The following EDRF1 variants were observed in gnomAD, a reference collection of about 807,000 sequenced individuals.
The protein encoded by EDRF1 is erythroid differentiation regulatory factor 1.
In EDRF1, 69 loss-of-function variants were observed where a neutral mutation model predicts 148.7. The ratio of observed to expected loss-of-function variants is 0.46; its 90% CI spans 0.38 to 0.57. The LOEUF (loss-of-function observed/expected upper bound fraction) is 0.57, where lower values mean the gene tolerates loss of function less well. Among genes scored for constraint, EDRF1 ranks in the 20% least tolerant of loss-of-function variants. EDRF1 has a pLI of 0.00. For synonymous variants in EDRF1, 515 were observed against 532.8 expected (o/e 0.97, Z 0.46); for missense variants, 1,118 against 1,478.7 (o/e 0.76, Z 4.00).
rs188366589 is a variant in EDRF1 at position 125,727,898 on chromosome 10, T to A, written c.793-1105T>A. On this transcript the variant is annotated intron_variant, in intron 6 of 24. Transcript: ENST00000356792. Reference sequence around the variant, plus strand: ...CCAGTGTCAAGAGGGCCCAAGTGTATTCCAAAATGCATTCCAGGCTGGGCG... The same window carrying A: ...CCAGTGTCAAGAGGGCCCAAGTGTAATCCAAAATGCATTCCAGGCTGGGCG... Among the ~76,000 whole-genome samples, 256 of 152,232 alleles carry A rather than the reference T, an allele frequency of 1.7e-3. 1 individual carries two copies. The highest frequency in any genetic ancestry group is 2.8e-3 in the Non-Finnish European group (193 of 67,992).
At chr10:125,734,850 A>T (rs1848652858) in intron 12 of EDRF1, among the ~76,000 whole-genome samples, 1 of 152,310 alleles carries the variant, frequency 6.6e-6, no homozygotes, top group African/African-American at 2.4e-5. Context: ...TATCCTGTTC[A>T]AATCAGTAAA....
chr10:125,724,222 C>T (rs984756693), intron 4 of EDRF1, among the ~76,000 whole-genome samples: 1 of 152,102 alleles, frequency 6.6e-6, no homozygotes, highest in African/African-American at 2.4e-5. Context: ...ATTTAAGGGA[C>T]TAGTTTAATA....
chr10:125,738,399 G>T lies in EDRF1; in HGVS notation c.1935G>T (p.Gly645=). The change falls in exon 15 of 25, where the codon GGG becomes GGT. Residue 645 remains glycine, a synonymous_variant. Coordinates refer to ENST00000356792, the MANE Select transcript of EDRF1 (RefSeq NM_001202438.2). ...AATATGAAGATGAATCCTCAAGAGG[G>T]GGTCCCGAGGGGCTAGAGAAGCAGA... ...PLKYEDESSR[G]GPEGLEKQMA... 1 of 1,614,092 alleles carries T rather than the reference G, an allele frequency of 6.2e-7. No homozygotes were observed.
In EDRF1 at chr10:125,740,633, T is replaced by C. The variant is rs201110158; in HGVS notation, c.2152T>C (p.Leu718=). The change falls in exon 16 of 25, where the codon TTA becomes CTA. Residue 718 remains leucine (L), a synonymous_variant. Transcript: ENST00000356792. ...CGGAAGAGCATTACGATACATTAAA[T>C]TAGCTTTGCAAAGCCATGGTAAGCC... ...KYGRALRYIK[L]ALQSHDTYCC... The C allele has an allele frequency of 6.2e-7, 1 of 1,613,682 alleles. No homozygotes were observed. The highest frequency in any genetic ancestry group is 8.5e-7 in the Non-Finnish European group (1 of 1,180,014).
chr10:125,721,182 T>G, intron 1 of EDRF1, 22 bp from the exon 2 acceptor site: 1 of 1,610,648 alleles, frequency 6.2e-7, no homozygotes, highest in Non-Finnish European at 8.5e-7. Flanking sequence ...TTCATTAAAG[T>G]TTCACCCAAT....
intron 6 of EDRF1, 38 bp from the exon 7 acceptor site, chr10:125,728,965 G>T (rs773932224): frequency 8.3e-5 from 122 of 1,475,316 alleles, no homozygotes; most frequent in Non-Finnish European, 1.0e-4. Flanking sequence ...AAGAAATGTT[G>T]ACAGCAGAAT....
chr10:125,759,753 C>T (rs189271984), intron 24 of EDRF1, among the ~76,000 whole-genome samples: 270 of 152,068 alleles, frequency 1.8e-3, no homozygotes, highest in African/African-American at 6.1e-3. Context: ...CTCTGTCGCC[C>T]ACGCTGGAGT....
At chr10:125,741,382 A>G (rs938165012) in intron 17 of EDRF1, 181 bp downstream of exon 17, 18 of 685,012 alleles carry the variant, frequency 2.6e-5, no homozygotes, top group Admixed American at 1.5e-4. Flanking sequence ...CAATGGTGCA[A>G]TCTTGGCTCA....
chr10:125,725,713 T>C lies in EDRF1; in HGVS notation c.667T>C (p.Ser223Pro). 5 of 1,614,148 alleles carry C rather than the reference T, an allele frequency of 3.1e-6. No homozygotes were observed. The highest frequency in any genetic ancestry group is 4.2e-6 in the Non-Finnish European group (5 of 1,180,014). The change falls in exon 6 of 25, where the codon TCA becomes CCA. Residue 223 changes from serine (S) to proline (P), a missense_variant. Around this residue, in one of 3 missense-constraint regions of EDRF1, gnomAD observed 954 missense variants for 1,241.4 expected, o/e 0.77. Transcript: ENST00000356792. ...INGDGAAQPV[S>P]STAEQQESSS... ...TGGTGATGGAGCCGCTCAGCCTGTC[T>C]CATCCACCGCAGAACAGCAGGAATC...
chr10:125,738,190 T>A (rs1848832410), intron 14 of EDRF1, 105 bp from the exon 15 acceptor site: 1 of 1,479,306 alleles, frequency 6.8e-7, no homozygotes, highest in Non-Finnish European at 9.4e-7. Context: ...GTTTGTGAGA[T>A]GGAAATTTTC....
chr10:125,756,439 A>G (rs1160258731), intron 24 of EDRF1, among the ~76,000 whole-genome samples: 1 of 152,210 alleles, frequency 6.6e-6, no homozygotes, highest in Non-Finnish European at 1.5e-5. Flanking sequence ...TGTAAATGTC[A>G]GTTAGGTTAA....
intron 2 of EDRF1, among the ~76,000 whole-genome samples, chr10:125,722,254 T>C (rs1053864530): frequency 5.3e-5 from 8 of 152,356 alleles, no homozygotes; most frequent in South Asian, 2.1e-4. Context: ...TGAATAATTA[T>C]ATTGACTCTA....
intron 8 of EDRF1, 103 bp from the exon 9 acceptor site, chr10:125,730,185 A>G (rs763279458): frequency 1.1e-5 from 10 of 883,454 alleles, no homozygotes; most frequent in Non-Finnish European, 1.7e-5. Context: ...TTTTCTATCT[A>G]GAGAGGACAG....
chr10:125,721,141 A>C, intron 1 of EDRF1, 63 bp from the exon 2 acceptor site: 1 of 1,527,472 alleles, frequency 6.5e-7, no homozygotes, highest in East Asian at 2.2e-5. Flanking sequence ...TTTTCTTTTT[A>C]TAAAGGTGAG....
In EDRF1 at chr10:125,723,150, C is replaced by T. The variant is rs373852221; in HGVS notation, c.384+16C>T. 6 of 1,610,582 alleles carry T rather than the reference C, an allele frequency of 3.7e-6. No individual in the cohort carries two copies. The highest frequency in any genetic ancestry group is 1.1e-5 in the South Asian group (1 of 90,980). Reference sequence around the variant, plus strand: ...TGACTCTGAAGTAAGTGTTATTTGTCGCTTAATGTAATTTTGGAGGTGTTT... The same window carrying T: ...TGACTCTGAAGTAAGTGTTATTTGTTGCTTAATGTAATTTTGGAGGTGTTT... On this transcript the variant is annotated intron_variant, in intron 3 of 24. Transcript: ENST00000356792.
Position 125,763,700 on chromosome 10 carries a change from G to A in EDRF1, c.*228G>A. The A allele has an allele frequency of 8.5e-6, 5 of 585,204 alleles. No homozygotes were observed. In the South Asian group the frequency reaches 1.0e-4, roughly 12 times the overall value. 36.3% of individuals were successfully genotyped at this position (585,204 alleles called of 1,614,324 possible). On this transcript the variant is annotated 3_prime_UTR_variant, in exon 25 of 25. Transcript: ENST00000356792. This position sits in a 1 kb window ranked among gnomAD's most constrained non-coding sequence, Gnocchi z 4.3. ...CAAACTTAAAGCTTCCACTATTTAT[G>A]TCTTTGAGAAGTATGTAGTACCTCG...
In EDRF1 at chr10:125,734,174, G is replaced by C. The variant is rs368342797; in HGVS notation, c.1488G>C (p.Arg496Ser). ...LNCLKLLDKS[R>S]HPQIIASANY... is the part of the protein sequence containing the mutation. ...GTCTGAAATTACTGGACAAAAGTAG[G>C]CATCCTCAAGTAAGATTAACATTTA... Residue 496 changes from arginine to serine, a missense_variant, in exon 12 of 25, where the codon AGG becomes AGC. By Grantham distance (110) the Arg-to-Ser change is moderately radical (BLOSUM62 -1). Around this residue, in one of 3 missense-constraint regions of EDRF1, gnomAD observed 954 missense variants for 1,241.4 expected, o/e 0.77. Coordinates refer to ENST00000356792, the MANE Select transcript of EDRF1 (RefSeq NM_001202438.2). 1.9e-6 allele frequency: 3 copies of C among 1,602,910 alleles called. No homozygotes were observed. The South Asian group carries it at 3.3e-5, about 18-fold the overall frequency.
chr10:125,723,796 TC>T lies in EDRF1; in HGVS notation c.385-14del. ...AACAGTCTTTCTAAACTATTTTTTCTCTTAATTTTTTAAGAACATAAAAAAA... is the reference window on the plus strand; with the variant it reads ...AACAGTCTTTCTAAACTATTTTTTCTTTAATTTTTTAAGAACATAAAAAAA... On this transcript the variant is annotated splice_polypyrimidine_tract_variant and intron_variant, in intron 3 of 24. Coordinates refer to ENST00000356792, the MANE Select transcript of EDRF1 (RefSeq NM_001202438.2). The T allele has an allele frequency of 6.2e-7, 1 of 1,610,250 alleles. No homozygotes were observed. Among genetic ancestry groups the T allele is most frequent in the Non-Finnish European group, 8.5e-7 (1 of 1,176,924 alleles).
chr10:125,749,282 C>G, intron 21 of EDRF1, 130 bp from the exon 22 acceptor site: 1 of 1,047,422 alleles, frequency 9.5e-7, no homozygotes, highest in Middle Eastern at 2.1e-4. Flanking sequence ...GATTAAAGAC[C>G]TAAATATAAA....
Sources: allele counts gnomAD v4.1 joint callset (sites outside exome capture counted in the v4.1 genomes callset), GRCh38; gene constraint gnomAD v4.1.1; regional missense constraint gnomAD v4.1.1; non-coding constraint Gnocchi (gnomAD v3.1); transcripts MANE v1.5; gene names NCBI Gene and HGNC (gene_info 2026-07-23, HGNC 2026-07-21).